The following SNX6 variants were observed in gnomAD, a reference collection of about 807,000 sequenced individuals.
SNX6 encodes sorting nexin 6.
A neutral mutation model predicts 63.0 loss-of-function variants in SNX6; 34 were observed. That is an observed-to-expected ratio of 0.54 (90% confidence interval 0.41 to 0.72). The LOEUF is 0.72. Ranked by LOEUF, SNX6 falls within the 30% of genes least tolerant of loss-of-function variation. The probability of loss-of-function intolerance (pLI) is 0.00; values close to 1 mark genes in which losing one functional copy is unlikely to be tolerated. For synonymous variants in SNX6, 170 were observed against 164.2 expected, an observed-to-expected ratio of 1.04 and a Z score of -0.27; for missense variants, 398 against 471.4, an observed-to-expected ratio of 0.84 and a Z score of 1.44.
intron 2 of SNX6, among the ~76,000 whole-genome samples, chr14:34,620,626 C>CA (rs1357494133): frequency 2.0e-4 from 31 of 151,858 alleles, no homozygotes; most frequent in Admixed American, 2.0e-3. Flanking sequence ...ACCTTTAAAA[C>CA]AAAAAAATCA....
At chr14:34,584,541 G>A (rs1301179500) in intron 9 of SNX6, among the ~76,000 whole-genome samples, 4 of 151,880 alleles carry the variant, frequency 2.6e-5, no homozygotes, top group African/African-American at 9.7e-5. Flanking sequence ...CGGGGGGCGG[G>A]TGGCAGAATC....
At chr14:34,592,617 T>C (rs1882441007) in intron 8 of SNX6, among the ~76,000 whole-genome samples, 1 of 152,134 alleles carries the variant, frequency 6.6e-6, no homozygotes, top group South Asian at 2.1e-4. Flanking sequence ...TGAAGTATGG[T>C]GGTACGATCC....
At position 34,586,211 on chromosome 14, in the gene SNX6, T is replaced by G. The variant is rs1009345819; in HGVS notation, c.794+19A>C. Reference sequence around the variant, plus strand: ...CCACCGCGCCCAGCCTATTTCACGTTTTAAATTAGAACACTTACTTGCATA... The same window carrying G: ...CCACCGCGCCCAGCCTATTTCACGTGTTAAATTAGAACACTTACTTGCATA... On this transcript the variant is annotated intron_variant, in intron 9 of 13. Coordinates refer to ENST00000362031, the MANE Select transcript of SNX6 (RefSeq NM_152233.4). 3 of 1,548,458 alleles carry G rather than the reference T, an allele frequency of 1.9e-6. No homozygotes were observed. In the Admixed American group the frequency reaches 5.1e-5, roughly 26 times the overall value.
Position 34,621,754 on chromosome 14 carries a change from A to G in SNX6, c.54+8153T>C, listed in dbSNP as rs1668870537. The stretch of plus-strand genomic sequence containing the variant: ...CTTATTCAGTCACTATGTCCTGTCT[A>G]TTCTATCTCCTAAACATCTCTTTAC... On this transcript the variant is annotated intron_variant, in intron 2 of 13. Transcript: ENST00000362031. Among the ~76,000 whole-genome samples the G allele has an allele frequency of 3.3e-5, 5 of 152,106 alleles. No homozygotes were observed. In the South Asian group the frequency reaches 1.0e-3, roughly 32 times the overall value.
intron 7 of SNX6, among the ~76,000 whole-genome samples, chr14:34,595,481 G>C (rs1490860998): frequency 1.3e-5 from 2 of 151,962 alleles, no homozygotes; most frequent in Non-Finnish European, 2.9e-5. Context: ...TAACTGGCAG[G>C]GTTATTAAGA....
chr14:34,586,461 C>G, intron 8 of SNX6, 156 bp from the exon 9 acceptor site: 1 of 408,508 alleles, frequency 2.4e-6, no homozygotes, highest in South Asian at 3.2e-5. Context: ...AATCCCAACA[C>G]TTTGGGAGGC....
chr14:34,627,779 C>G (rs187148913), intron 2 of SNX6, among the ~76,000 whole-genome samples: 166 of 151,838 alleles, frequency 1.1e-3, no homozygotes, highest in African/African-American at 3.8e-3. Context: ...CGTGAGCCAC[C>G]GTGCCTGGTC....
At position 34,602,099 on chromosome 14, in the gene SNX6, G is replaced by A. The variant is rs933438898; in HGVS notation, c.516+1249C>T. Among the ~76,000 whole-genome samples the A allele has an allele frequency of 3.3e-5, 5 of 151,068 alleles. No individual in the cohort carries two copies. The East Asian group carries it at 1.0e-3, about 30-fold the overall frequency. ...GAGGTCAGGAGTTCGAGACCAGCCT[G>A]GCCAACATGGTGAAACTCCATCTCT... On this transcript the variant is annotated intron_variant, in intron 6 of 13. Coordinates refer to ENST00000362031, the MANE Select transcript of SNX6 (RefSeq NM_152233.4).
chr14:34,570,258 A>C (rs1881384988), intron 11 of SNX6, among the ~76,000 whole-genome samples: 1 of 151,820 alleles, frequency 6.6e-6, no homozygotes, highest in Non-Finnish European at 1.5e-5. Context: ...TAGTAGAGAC[A>C]GGGTTTCTCC....
At position 34,563,027 on chromosome 14, in the gene SNX6, T is replaced by G; in HGVS notation, c.*95A>C. On this transcript the variant is annotated 3_prime_UTR_variant, in exon 14 of 14. Transcript: ENST00000362031. The stretch of plus-strand genomic sequence containing the variant: ...TGCACTTTTTCAGCTGCTTTTTGTT[T>G]GTTTCCAGTGAGCATAAATGCTTAA... The G allele has an allele frequency of 7.9e-7, 1 of 1,268,460 alleles. No individual in the cohort carries two copies. The highest frequency in any genetic ancestry group is 1.1e-6 in the Non-Finnish European group (1 of 886,052). The allele number at this position is 1,268,460 out of a possible 1,614,324, so 78.6% of individuals were successfully genotyped here.
chr14:34,597,078 G>A (rs888140075), intron 7 of SNX6, among the ~76,000 whole-genome samples: 1 of 152,234 alleles, frequency 6.6e-6, no homozygotes, highest in Non-Finnish European at 1.5e-5. Flanking sequence ...GGTAAACTCT[G>A]CAGCTCTGTC....
At chr14:34,594,966 C>A (rs999392053) in intron 7 of SNX6, among the ~76,000 whole-genome samples, 12 of 152,050 alleles carry the variant, frequency 7.9e-5, no homozygotes, top group African/African-American at 2.9e-4. Context: ...ATGGCACGTA[C>A]CTATAGTTCC....
At chr14:34,628,392 G>A (rs1335871865) in intron 2 of SNX6, among the ~76,000 whole-genome samples, 2 of 152,186 alleles carry the variant, frequency 1.3e-5, no homozygotes, top group African/African-American at 4.8e-5. Context: ...CCGGGAGGCG[G>A]AGCTTGCAGT....
intron 11 of SNX6, among the ~76,000 whole-genome samples, chr14:34,570,619 C>T (rs1242483222): frequency 6.6e-6 from 1 of 151,626 alleles, no homozygotes; most frequent in African/African-American, 2.4e-5. Flanking sequence ...GACAGGGTTT[C>T]ACCATGTTGG....
intron 8 of SNX6, among the ~76,000 whole-genome samples, chr14:34,590,653 G>A (rs779833785): frequency 9.9e-5 from 15 of 152,002 alleles, no homozygotes; most frequent in African/African-American, 2.4e-4. Context: ...TGCCCTGCTC[G>A]TGGGAATGCA....
chr14:34,603,252 C>T (rs941171712), intron 6 of SNX6, 96 bp downstream of exon 6: 5 of 1,250,962 alleles, frequency 4.0e-6, no homozygotes, highest in African/African-American at 3.1e-5. Context: ...TGCCACTGTA[C>T]TCCAGCCTGG....
chr14:34,627,070 G>A (rs1429328247), intron 2 of SNX6, among the ~76,000 whole-genome samples: 2 of 152,124 alleles, frequency 1.3e-5, no homozygotes, highest in South Asian at 4.1e-4. Flanking sequence ...GCTCTCTCAA[G>A]CCATAGCTCA....
intron 11 of SNX6, among the ~76,000 whole-genome samples, chr14:34,575,407 C>T (rs1021098791): frequency 3.9e-5 from 6 of 152,018 alleles, no homozygotes; most frequent in African/African-American, 1.4e-4. Context: ...ATCATGCTAG[C>T]CAGGCTGGTC....
chr14:34,611,589 C>T (rs1391066518), intron 2 of SNX6, among the ~76,000 whole-genome samples: 1 of 151,352 alleles, frequency 6.6e-6, no homozygotes, highest in South Asian at 2.1e-4. Flanking sequence ...TGAGACCATA[C>T]TGGTCAACAT....
Sources: gnomAD v4.1 joint callset for allele counts (sites outside exome capture counted in the v4.1 genomes callset) on GRCh38, gnomAD v4.1.1 for gene constraint, MANE v1.5 for transcripts, NCBI Gene and HGNC (gene_info 2026-07-23, HGNC 2026-07-21) for gene names.